GRM1: variants seen among roughly 807,000 people sequenced by gnomAD.
The protein encoded by GRM1 is glutamate metabotropic receptor 1.
Under a neutral mutation model 90.9 loss-of-function variants are expected in GRM1, and 33 were observed. That is an observed-to-expected ratio of 0.36 (90% CI 0.28 to 0.49). The LOEUF is 0.49. Ranked by LOEUF, GRM1 falls within the 20% of genes least tolerant of loss-of-function variation. The pLI, the probability that GRM1 is intolerant of heterozygous loss-of-function variation, is 0.99. For missense variants in GRM1, 1,190 were observed against 1,534.3 expected (o/e 0.78, Z 3.75); for synonymous variants, 700 against 613.2 (o/e 1.14, Z -2.09).
chr6:146,195,378 A>G (rs1425810004), intron 2 of GRM1, among the ~76,000 whole-genome samples: 1 of 152,120 alleles, frequency 6.6e-6, no homozygotes, highest in Admixed American at 6.5e-5. Flanking sequence ...AAAACTTTTC[A>G]CCTATCTCTT....
intron 5 of GRM1, among the ~76,000 whole-genome samples, chr6:146,369,131 A>G (rs1412287898): frequency 1.3e-5 from 2 of 151,804 alleles, no homozygotes; most frequent in Non-Finnish European, 2.9e-5. Context: ...ATCTGTTGGC[A>G]TATAGTTATT....
chr6:146,305,228 A>T (rs540975427), intron 3 of GRM1, among the ~76,000 whole-genome samples: 16 of 152,154 alleles, frequency 1.1e-4, no homozygotes, highest in Admixed American at 2.6e-4. Context: ...GCTTGTTTAG[A>T]TACAGAAGTC....
At chr6:146,433,006 T>C (rs762201154) in intron 7 of GRM1, among the ~76,000 whole-genome samples, 13 of 152,238 alleles carry the variant, frequency 8.5e-5, no homozygotes, top group Non-Finnish European at 1.5e-4. Flanking sequence ...CAGTAACTGC[T>C]GCTTTGTCTC....
At chr6:146,142,425 G>T (rs1440254940) in intron 1 of GRM1, among the ~76,000 whole-genome samples, 2 of 152,034 alleles carry the variant, frequency 1.3e-5, no homozygotes, top group African/African-American at 4.8e-5. Flanking sequence ...GCCTATGTTT[G>T]CTGGGCTCAC....
chr6:146,389,746 T>C (rs1478265359), intron 6 of GRM1, among the ~76,000 whole-genome samples: 1 of 152,118 alleles, frequency 6.6e-6, no homozygotes, highest in Non-Finnish European at 1.5e-5. Flanking sequence ...CAGCTGCGAC[T>C]GGGTCATATA....
intron 3 of GRM1, among the ~76,000 whole-genome samples, chr6:146,329,302 T>C (rs1410637721): frequency 1.3e-5 from 2 of 152,152 alleles, no homozygotes; most frequent in South Asian, 4.1e-4. Context: ...AAAGCTCCTA[T>C]TACCTATTAT....
intron 1 of GRM1, among the ~76,000 whole-genome samples, chr6:146,122,857 T>C (rs1776047693): frequency 1.4e-5 from 2 of 141,848 alleles, no homozygotes; most frequent in Non-Finnish European, 3.1e-5. Flanking sequence ...TTTTTTTTTT[T>C]TTTTTTTAAC....
chr6:146,029,702 T>A lies in GRM1; in HGVS notation c.185T>A (p.Val62Glu), dbSNP rs1370364787. Residue 62 changes from valine (V) to glutamate (E), a missense_variant, in exon 1 of 8, where the codon GTG (valine) becomes GAG (glutamate). Val to Glu is a moderately radical substitution (Grantham distance 121). Coordinates refer to ENST00000282753, the MANE Select transcript of GRM1 (RefSeq NM_001278064.2). ...SVHHQPPAEK[V>E]PERKCGEIRE... ...CATCACCAGCCTCCGGCCGAGAAAGTGCCCGAGAGGAAGTGTGGGGAGATC... is the reference window on the plus strand; with the variant it reads ...CATCACCAGCCTCCGGCCGAGAAAGAGCCCGAGAGGAAGTGTGGGGAGATC... 1 of 1,613,854 alleles carries A rather than the reference T, an allele frequency of 6.2e-7. No individual in the cohort carries two copies. Among genetic ancestry groups the A allele is most frequent in the African/African-American group, 1.3e-5 (1 of 74,856 alleles).
intron 2 of GRM1, among the ~76,000 whole-genome samples, chr6:146,162,708 G>T (rs1012897528): frequency 6.6e-6 from 1 of 152,102 alleles, no homozygotes; most frequent in Admixed American, 6.5e-5. Flanking sequence ...GGAATGAGCT[G>T]CTGAGAATGG....
At chr6:146,092,558 G>A (rs905692653) in intron 1 of GRM1, among the ~76,000 whole-genome samples, 1 of 152,056 alleles carries the variant, frequency 6.6e-6, no homozygotes, top group Admixed American at 6.6e-5. Context: ...TACACATACA[G>A]AGTCACATAG....
At chr6:146,064,692 G>A (rs1562439991) in intron 1 of GRM1, among the ~76,000 whole-genome samples, 1 of 149,478 alleles carries the variant, frequency 6.7e-6, no homozygotes, top group Non-Finnish European at 1.5e-5. Context: ...TGGAGAGGTT[G>A]AGGCAGGAGA....
intron 5 of GRM1, among the ~76,000 whole-genome samples, chr6:146,368,082 T>C (rs1775759884): frequency 1.3e-5 from 2 of 152,136 alleles, no homozygotes; most frequent in African/African-American, 4.8e-5. Context: ...ATATTTTATC[T>C]CTTGGGTTAA....
chr6:146,436,119 G>A lies in GRM1; in HGVS notation c.*1323G>A, dbSNP rs1315232919. The A allele has an allele frequency of 6.6e-6, 1 of 152,562 alleles. No individual in the cohort carries two copies. Among genetic ancestry groups the A allele is most frequent in the Non-Finnish European group, 1.5e-5 (1 of 68,024 alleles). 9.5% of individuals were successfully genotyped at this position (152,562 alleles called of 1,614,324 possible). ...GTCAATCTAACTGCAATTAGAAATT[G>A]TCTTTTGAATATACTATATATATTT... On this transcript the variant is annotated 3_prime_UTR_variant, in exon 8 of 8. Coordinates refer to ENST00000282753, the MANE Select transcript of GRM1 (RefSeq NM_001278064.2).
chr6:146,407,297 CA>C (rs1366628192), intron 7 of GRM1, among the ~76,000 whole-genome samples: 4 of 152,204 alleles, frequency 2.6e-5, no homozygotes, highest in Non-Finnish European at 5.9e-5. Context: ...AGCAAATTTG[CA>C]GTCACCACCA....
intron 1 of GRM1, among the ~76,000 whole-genome samples, chr6:146,036,217 T>A (rs1468285906): frequency 2.6e-5 from 4 of 151,954 alleles, no homozygotes; most frequent in Non-Finnish European, 4.4e-5. Context: ...CGGCATACAC[T>A]TTTTTAAGAA....
rs940977484 is a variant in GRM1 at position 146,193,046 on chromosome 6, C to G, written c.950+33449C>G. ...TGTAAGGTAAAAATTTTTTGTTGTA[C>G]CAAGCGACTGGAAAAATGGATTTGC... On this transcript the variant is annotated intron_variant, in intron 2 of 7. Transcript: ENST00000282753. Among the ~76,000 whole-genome samples the G allele has an allele frequency of 6.6e-5, 10 of 151,994 alleles. No individual in the cohort carries two copies. In the South Asian group the frequency reaches 1.9e-3, roughly 29 times the overall value.
At chr6:146,095,228 GTTCAGGCC>G (rs1776837632) in intron 1 of GRM1, among the ~76,000 whole-genome samples, 1 of 152,102 alleles carries the variant, frequency 6.6e-6, no homozygotes, top group Non-Finnish European at 1.5e-5. Flanking sequence ...GTGAACTCCT[GTTCAGGCC>G]CCACTTCTTC....
In GRM1 at chr6:146,140,061, TCTC is replaced by T. The variant is rs541163974; in HGVS notation, c.701-19283_701-19281del. Among the ~76,000 whole-genome samples, 488 of 141,766 alleles carry T rather than the reference TCTC, an allele frequency of 3.4e-3. 4 individuals carry two copies. The highest frequency in any genetic ancestry group is 7.0e-3 in the Middle Eastern group (2 of 284). The allele number at this position is 141,766 out of a possible 152,430, so 93.0% of individuals were successfully genotyped here. The stretch of plus-strand genomic sequence containing the variant: ...GCTTCTTTCCTCTCTTCTCCTTTCC[TCTC>T]CTCTTCTTTTCTCCTTTCTTTCTTT... On this transcript the variant is annotated intron_variant, in intron 1 of 7. Transcript: ENST00000282753.
intron 3 of GRM1, among the ~76,000 whole-genome samples, chr6:146,331,896 G>GA (rs1253918030): frequency 1.3e-5 from 2 of 152,122 alleles, no homozygotes; most frequent in Non-Finnish European, 2.9e-5. Context: ...CTCATTGGTT[G>GA]AAAAAAATTG....
Sources: allele counts gnomAD v4.1 joint callset (sites outside exome capture counted in the v4.1 genomes callset), GRCh38; gene constraint gnomAD v4.1.1; transcripts MANE v1.5; gene names NCBI Gene and HGNC (gene_info 2026-07-23, HGNC 2026-07-21).